PCDHGA5: variants seen among roughly 807,000 people sequenced by gnomAD.
PCDHGA5 encodes the protein protocadherin gamma-A5.
Under a neutral mutation model 56.7 loss-of-function variants are expected in PCDHGA5, and 36 were observed. The observed-to-expected ratio is 0.64, with a 90% CI of 0.49 to 0.84. The LOEUF is 0.84. Among genes scored for constraint, PCDHGA5 ranks in the 40% least tolerant of loss-of-function variants. The probability of loss-of-function intolerance (pLI) is 0.00; values close to 1 mark genes in which losing one functional copy is unlikely to be tolerated. For synonymous variants in PCDHGA5, 563 were observed against 520.2 expected, an observed-to-expected ratio of 1.08 and a Z score of -1.12; for missense variants, 1,305 against 1,201.5, an observed-to-expected ratio of 1.09 and a Z score of -1.27.
chr5:141,427,138 A>G (rs1397576025), intron 1 of PCDHGA5: 1 of 456,954 alleles, frequency 2.2e-6, no homozygotes, highest in Non-Finnish European at 4.4e-6. Context: ...CTACGAGATG[A>G]TATTGGAAAT....
intron 1 of PCDHGA5, chr5:141,408,050 G>A: frequency 1.6e-6 from 2 of 1,259,544 alleles, no homozygotes; most frequent in Middle Eastern, 2.8e-4. Flanking sequence ...CCCACACAGA[G>A]CCTCCCGGCT....
chr5:141,432,600 C>T lies in PCDHGA5; in HGVS notation c.2422-62207C>T, dbSNP rs901310090. The T allele has an allele frequency of 1.9e-6, 3 of 1,613,832 alleles. No individual in the cohort carries two copies. The East Asian group carries it at 6.7e-5, about 36-fold the overall frequency. ...TACCGTCTGCTCAAGGCCAGCGAGCCGGGACTCTTCTCGGTGGGTCTGCAC... is the reference window on the plus strand; with the variant it reads ...TACCGTCTGCTCAAGGCCAGCGAGCTGGGACTCTTCTCGGTGGGTCTGCAC... On this transcript the variant is annotated intron_variant, in intron 1 of 3. Transcript: ENST00000518069. The surrounding 1 kb of genome is among the most constrained non-coding windows in gnomAD (Gnocchi z 6.0).
At chr5:141,433,655 G>T (rs1227358856) in intron 1 of PCDHGA5, among the ~76,000 whole-genome samples, 2 of 152,036 alleles carry the variant, frequency 1.3e-5, no homozygotes, top group Non-Finnish European at 1.5e-5. Flanking sequence ...GACCAACATG[G>T]AGAAACCCCG....
At chr5:141,500,450 C>A (rs2099800340) in intron 2 of PCDHGA5, among the ~76,000 whole-genome samples, 1 of 152,072 alleles carries the variant, frequency 6.6e-6, no homozygotes, top group Non-Finnish European at 1.5e-5. Flanking sequence ...ACCTCGTGAT[C>A]CGCCCGCCTC....
At chr5:141,499,007 AG>A (rs2099788320) in intron 2 of PCDHGA5, among the ~76,000 whole-genome samples, 1 of 151,128 alleles carries the variant, frequency 6.6e-6, no homozygotes, top group Non-Finnish European at 1.5e-5. Flanking sequence ...GAAGGAAGGA[AG>A]GAAGGAAGGA....
At position 141,389,973 on chromosome 5, in the gene PCDHGA5, A is replaced by C. The variant is rs375422602; in HGVS notation, c.2421+23222A>C. On this transcript the variant is annotated intron_variant, in intron 1 of 3. Coordinates refer to ENST00000518069, the MANE Select transcript of PCDHGA5 (RefSeq NM_018918.3). Reference sequence around the variant, plus strand: ...TTACCTAGTGGTGGCCTTGGCCTTGATCTCAGTGCTCTTCCTCGTGGCCAT... The same window carrying C: ...TTACCTAGTGGTGGCCTTGGCCTTGCTCTCAGTGCTCTTCCTCGTGGCCAT... 82 of 1,613,684 alleles carry C rather than the reference A, an allele frequency of 5.1e-5. No homozygotes were observed. The highest frequency in any genetic ancestry group is 6.5e-5 in the Non-Finnish European group (77 of 1,179,850).
chr5:141,494,491 T>C (rs2099754727), intron 1 of PCDHGA5, among the ~76,000 whole-genome samples: 1 of 152,150 alleles, frequency 6.6e-6, no homozygotes, highest in Admixed American at 6.5e-5. Context: ...AGAAGATGCC[T>C]TCAGTCCTTG....
chr5:141,409,648 G>A, intron 1 of PCDHGA5: 2 of 1,613,692 alleles, frequency 1.2e-6, no homozygotes, highest in East Asian at 4.5e-5. Context: ...CGGATTTGGG[G>A]CTCAATGGCC....
At chr5:141,384,205 ACT>A (rs1561601043) in intron 1 of PCDHGA5, 2 of 1,613,874 alleles carry the variant, frequency 1.2e-6, no homozygotes, top group East Asian at 2.2e-5. Context: ...GTCCAGGGAA[ACT>A]CACATATTCA....
Position 141,414,954 on chromosome 5 carries a change from C to T in PCDHGA5, c.2421+48203C>T, listed in dbSNP as rs759955017. ...CCGCAGAGCCCGGCTACCTGGTGAC[C>T]AAGGTGGTGGCGGTGGACAGAGACT... On this transcript the variant is annotated intron_variant, in intron 1 of 3. Coordinates refer to ENST00000518069, the MANE Select transcript of PCDHGA5 (RefSeq NM_018918.3). 10 of 1,614,058 alleles carry T rather than the reference C, an allele frequency of 6.2e-6. No individual in the cohort carries two copies. The Admixed American group carries it at 1.7e-4, about 27-fold the overall frequency.
intron 1 of PCDHGA5, among the ~76,000 whole-genome samples, chr5:141,481,692 G>T (rs1231630072): frequency 6.6e-6 from 1 of 152,020 alleles, no homozygotes; most frequent in African/African-American, 2.4e-5. Context: ...GGTGGCTCAC[G>T]CCTGTAATCC....
intron 1 of PCDHGA5, chr5:141,410,275 C>A: frequency 6.2e-7 from 1 of 1,614,038 alleles, no homozygotes; most frequent in Non-Finnish European, 8.5e-7. Context: ...TGCAGTTTTA[C>A]CTGGTGGTGG....
chr5:141,481,142 G>T (rs2099532501), intron 1 of PCDHGA5, among the ~76,000 whole-genome samples: 1 of 152,212 alleles, frequency 6.6e-6, no homozygotes, highest in Non-Finnish European at 1.5e-5. Context: ...GAAGTAAAGT[G>T]TTATTCTGGT....
rs2096663485 is a variant in PCDHGA5, at chr5:141,422,674, A to G, written c.2421+55923A>G. 3 of 1,606,698 alleles carry G rather than the reference A, an allele frequency of 1.9e-6. No individual in the cohort carries two copies. The East Asian group carries it at 6.7e-5, about 36-fold the overall frequency. On this transcript the variant is annotated intron_variant, in intron 1 of 3. Transcript: ENST00000518069. ...AGTGACCGCCCTCGACCCGGACAGC[A>G]AACAGAATGCCCTGGTCACTTACTC...
chr5:141,400,559 C>T (rs2150864766), intron 1 of PCDHGA5: 2 of 1,613,274 alleles, frequency 1.2e-6, no homozygotes, highest in Non-Finnish European at 1.7e-6. Flanking sequence ...TTTTCATTAC[C>T]CACCCAATTT....
In PCDHGA5 at chr5:141,403,923, G is replaced by T. The variant is rs199643799; in HGVS notation, c.2421+37172G>T. 1.2e-3 allele frequency: 1,935 copies of T among 1,613,900 alleles called. 4 individuals carry two copies. Among genetic ancestry groups the T allele is most frequent in the Non-Finnish European group, 1.5e-3 (1,744 of 1,179,882 alleles). On this transcript the variant is annotated intron_variant, in intron 1 of 3. Transcript: ENST00000518069. The stretch of plus-strand genomic sequence containing the variant: ...GAAATGGAAATACAAGCTGAAGATG[G>T]TGGGGGATTGAAAGGGTGGACAAAA...
chr5:141,431,239 G>A lies in PCDHGA5; in HGVS notation c.2422-63568G>A. 6.2e-7 allele frequency: 1 copy of A among 1,614,152 alleles called. No homozygotes were observed. The highest frequency in any genetic ancestry group is 1.3e-5 in the African/African-American group (1 of 75,062). On this transcript the variant is annotated intron_variant, in intron 1 of 3. Transcript: ENST00000518069. This position sits in a 1 kb window ranked among gnomAD's most constrained non-coding sequence, Gnocchi z 4.8. ...TCCCTCTACCCCACGCCTGGGATCC[G>A]GATATCGGGAAGAACTCTCTGCAGA...
intron 1 of PCDHGA5, chr5:141,374,180 T>C (rs1347088415): frequency 6.2e-7 from 1 of 1,613,682 alleles, no homozygotes; most frequent in Non-Finnish European, 8.5e-7. Context: ...GCAGATCCGC[T>C]ACTCTATTCC....
intron 1 of PCDHGA5, chr5:141,484,858 T>A: frequency 4.1e-6 from 1 of 245,806 alleles, no homozygotes; most frequent in Non-Finnish European, 7.8e-6. Context: ...TTTTGGGGGG[T>A]GGGGGAGCGT....
Sources: gnomAD v4.1 joint callset for allele counts (sites outside exome capture counted in the v4.1 genomes callset) on GRCh38, gnomAD v4.1.1 for gene constraint, Gnocchi (gnomAD v3.1) non-coding constraint, MANE v1.5 for transcripts, NCBI Gene and HGNC (gene_info 2026-07-23, HGNC 2026-07-21) for gene names.